Variants in CYFIP1 observed in about 807,000 individuals in gnomAD.
CYFIP1 encodes the protein cytoplasmic FMR1 interacting protein 1, also known as cytoplasmic FMR1-interacting protein 1.
A neutral mutation model predicts 163.5 loss-of-function variants in CYFIP1; 58 were observed. The ratio of observed to expected loss-of-function variants is 0.35; its 90% CI spans 0.29 to 0.44. CYFIP1 has a LOEUF of 0.44. CYFIP1 is among the 20% of genes least tolerant of loss of function. CYFIP1 has a pLI of 1.00. For synonymous variants in CYFIP1, 663 were observed against 660.7 expected, an observed-to-expected ratio of 1.00 and a Z score of -0.05; for missense variants, 1,338 against 1,653.8, an observed-to-expected ratio of 0.81 and a Z score of 3.31.
At position 22,939,255 on chromosome 15, in the gene CYFIP1, C is replaced by G. The variant is rs1172722493; in HGVS notation, c.732G>C (p.Leu244=). ...TCCTGTTCTCGTAGTAATCCACACA[C>G]AGATTCACAATATCTGCCAGGAGCT... ...YEELLADIVN[L]CVDYYENRMY... Residue 244 remains leucine, a synonymous_variant, in exon 8 of 31, where the codon CTG becomes CTC. Transcript: ENST00000617928. 8.7e-6 allele frequency: 14 copies of G among 1,614,076 alleles called. No individual in the cohort carries two copies. The highest frequency in any genetic ancestry group is 1.2e-5 in the Non-Finnish European group (14 of 1,180,036).
At chr15:22,904,424 G>A (rs527604055) in intron 21 of CYFIP1, 6 of 174,506 alleles carry the variant, frequency 3.4e-5, no homozygotes, top group Non-Finnish European at 5.0e-5. Flanking sequence ...TGTGGCAGCC[G>A]GGGCCGGAGC....
intron 23 of CYFIP1, among the ~76,000 whole-genome samples, chr15:22,886,811 G>A (rs2059938258): frequency 6.6e-6 from 1 of 152,072 alleles, no homozygotes; most frequent in Non-Finnish European, 1.5e-5. Flanking sequence ...GGTCGATGGT[G>A]GTGTTCAGTT....
At chr15:22,939,062 A>C (rs1231398625) in intron 8 of CYFIP1, 130 bp downstream of exon 8, 4 of 1,129,664 alleles carry the variant, frequency 3.5e-6, no homozygotes, top group Non-Finnish European at 5.1e-6. Context: ...CAAGGGCAGG[A>C]CGCTGTTCAC....
intron 23 of CYFIP1, among the ~76,000 whole-genome samples, chr15:22,887,612 G>A (rs1286702375): frequency 6.6e-6 from 1 of 152,176 alleles, no homozygotes; most frequent in Non-Finnish European, 1.5e-5. Context: ...CATGGTCCCA[G>A]GCCTCTGGCC....
At chr15:22,971,627 G>C (rs1157033820) in intron 1 of CYFIP1, among the ~76,000 whole-genome samples, 2 of 150,904 alleles carry the variant, frequency 1.3e-5, no homozygotes, top group Non-Finnish European at 2.9e-5. Flanking sequence ...GGTGAGCCAA[G>C]ATTGCGCCAT....
chr15:22,883,113 G>T, intron 23 of CYFIP1, 102 bp from the exon 24 acceptor site: 1 of 1,387,580 alleles, frequency 7.2e-7, no homozygotes, highest in Non-Finnish European at 9.8e-7. Context: ...TCAGGTGAGC[G>T]GGTCTGAGTC....
chr15:22,872,793 C>A lies in CYFIP1; in HGVS notation c.3597+32G>T, dbSNP rs781172053. The A allele has an allele frequency of 1.9e-6, 3 of 1,608,714 alleles. No homozygotes were observed. The South Asian group carries it at 3.3e-5, about 18-fold the overall frequency. The stretch of plus-strand genomic sequence containing the variant: ...AAGAAAGTATGCTTTTGCAAAAGGT[C>A]CATAGATGGTGCGAGATTTTCATCC... On this transcript the variant is annotated intron_variant, in intron 30 of 30. Transcript: ENST00000617928.
At chr15:22,963,494 A>AATAAC (rs56889524) in intron 1 of CYFIP1, among the ~76,000 whole-genome samples, 8,543 of 137,936 alleles carry the variant, frequency 0.062, 351 homozygotes, top group African/African-American at 0.09. Flanking sequence ...CTGTTTCAAA[A>AATAAC]ATAACATAAC....
chr15:22,952,578 C>A (rs1402293765), intron 1 of CYFIP1, among the ~76,000 whole-genome samples: 2 of 137,748 alleles, frequency 1.5e-5, no homozygotes, highest in African/African-American at 5.4e-5. Context: ...TCACTTGAAC[C>A]CAGGAGGCGG....
Position 22,903,781 on chromosome 15 carries a change from C to T in CYFIP1, c.2513G>A (p.Arg838Lys), listed in dbSNP as rs1371418431. 1 of 1,614,090 alleles carries T rather than the reference C, an allele frequency of 6.2e-7. No individual in the cohort carries two copies. The highest frequency in any genetic ancestry group is 8.5e-7 in the Non-Finnish European group (1 of 1,180,048). ...CTCCCAGAAGACGTGCAGGGTGATC[C>T]TCCCGTAGGGCGCTGACACGTTGTG... ...ANHNVSAPYGRITLHVFWELN... is the reference protein window; with the variant it reads ...ANHNVSAPYGKITLHVFWELN... Residue 838 changes from arginine (R) to lysine (K), a missense_variant, in exon 22 of 31, where the codon AGG (arginine) becomes AAG (lysine). Around this residue, in one of 4 missense-constraint regions of CYFIP1, gnomAD observed 824 missense variants for 995.7 expected, o/e 0.83. Coordinates refer to ENST00000617928, the MANE Select transcript of CYFIP1 (RefSeq NM_014608.6).
chr15:22,929,996 G>A (rs948472641), intron 11 of CYFIP1, among the ~76,000 whole-genome samples: 17 of 151,630 alleles, frequency 1.1e-4, no homozygotes, highest in African/African-American at 2.7e-4. Flanking sequence ...TTATGCTGGC[G>A]TCATTCACCA....
intron 1 of CYFIP1, among the ~76,000 whole-genome samples, chr15:22,966,731 T>C (rs955273256): frequency 7.1e-6 from 1 of 140,240 alleles, no homozygotes; most frequent in African/African-American, 2.7e-5. Flanking sequence ...TCTGCACCCA[T>C]GACAGCCCAC....
At chr15:22,948,267 C>T (rs1317297967) in intron 1 of CYFIP1, among the ~76,000 whole-genome samples, 1 of 152,122 alleles carries the variant, frequency 6.6e-6, no homozygotes, top group African/African-American at 2.4e-5. Flanking sequence ...GAGCTTCAAG[C>T]CCATCCTCAA....
At chr15:22,932,519 G>C (rs2061571582) in intron 10 of CYFIP1, among the ~76,000 whole-genome samples, 179 bp from the exon 11 acceptor site, 1 of 152,218 alleles carries the variant, frequency 6.6e-6, no homozygotes, top group Non-Finnish European at 1.5e-5. Context: ...GGCCTGTAAA[G>C]CCTAAAATAC....
chr15:22,966,875 C>G (rs1307245113), intron 1 of CYFIP1, among the ~76,000 whole-genome samples: 2 of 152,144 alleles, frequency 1.3e-5, no homozygotes, highest in Non-Finnish European at 2.9e-5. Context: ...TCGCTAGCAT[C>G]TGGTGCACAC....
Position 22,913,609 on chromosome 15 carries a change from A to AAC in CYFIP1, c.1985+1116_1985+1117insGT, listed in dbSNP as rs1449212594. On this transcript the variant is annotated intron_variant, in intron 17 of 30. Transcript: ENST00000617928. ...ACGGAAGTACATAGACAGCATTAAA[A>AAC]AAAAAAAAAAAAAAAAAAGAACAAA... Among the ~76,000 whole-genome samples, 451 of 93,610 alleles carry AAC rather than the reference A, an allele frequency of 4.8e-3. 4 individuals carry two copies. Among genetic ancestry groups the AAC allele is most frequent in the African/African-American group, 0.016 (414 of 25,412 alleles). The allele number at this position is 93,610 out of a possible 152,430, so 61.4% of individuals were successfully genotyped here. A position where few individuals can be genotyped will look rare whatever the true frequency, so the allele number is the denominator to read the frequency against.
intron 26 of CYFIP1, among the ~76,000 whole-genome samples, chr15:22,878,519 T>C (rs1195798008): frequency 6.6e-6 from 1 of 151,790 alleles, no homozygotes; most frequent in Non-Finnish European, 1.5e-5. Context: ...TCTCACATTA[T>C]ACACAAAGAC....
rs2061018283 is a variant in CYFIP1 at position 22,917,273 on chromosome 15, C to A, written c.1674+515G>T. 7.2e-7 allele frequency: 1 copy of A among 1,382,712 alleles called. No homozygotes were observed. The highest frequency in any genetic ancestry group is 9.3e-7 in the Non-Finnish European group (1 of 1,075,000). 85.7% of individuals were successfully genotyped at this position (1,382,712 alleles called of 1,614,324 possible). ...GGCAGAGATGAGGGAGAAGACCAGC[C>A]CCAGGACGGAGGACAGACGCAGCGG... On this transcript the variant is annotated intron_variant, in intron 15 of 30. Transcript: ENST00000617928. The surrounding 1 kb of genome is among the most constrained non-coding windows in gnomAD (Gnocchi z 4.2).
intron 3 of CYFIP1, among the ~76,000 whole-genome samples, chr15:22,946,328 C>T (rs183199653): frequency 6.6e-6 from 1 of 151,548 alleles, no homozygotes; most frequent in East Asian, 1.9e-4. Context: ...AGAAAGAAAA[C>T]CTGTTGATGA....
Sources: gnomAD v4.1 joint callset for allele counts (sites outside exome capture counted in the v4.1 genomes callset) on GRCh38, gnomAD v4.1.1 for gene constraint, gnomAD v4.1.1 regional missense constraint, Gnocchi (gnomAD v3.1) non-coding constraint, MANE v1.5 for transcripts, NCBI Gene and HGNC (gene_info 2026-07-23, HGNC 2026-07-21) for gene names.